Variants in AFF1 observed in about 807,000 individuals in gnomAD.
AFF1 encodes ALF transcription elongation factor 1.
AFF1 carries 48 observed loss-of-function variants against 121.7 expected under a neutral mutation model. The ratio of observed to expected loss-of-function variants is 0.39; its 90% CI spans 0.31 to 0.50. AFF1 has a LOEUF of 0.50. AFF1 is among the 20% of genes least tolerant of loss of function. The probability of loss-of-function intolerance (pLI) is 0.76; values close to 1 mark genes in which losing one functional copy is unlikely to be tolerated. For missense variants in AFF1, 1,523 were observed against 1,511.7 expected (o/e 1.01, Z -0.12); for synonymous variants, 613 against 563.0 (o/e 1.09, Z -1.26).
intron 14 of AFF1, 137 bp downstream of exon 14, chr4:87,126,473 T>C: frequency 9.1e-6 from 7 of 767,112 alleles, no homozygotes; most frequent in Non-Finnish European, 1.5e-5. Flanking sequence ...GTGTTTAAAA[T>C]GCTACTTTTT....
At chr4:86,998,128 C>T (rs988510746) in intron 2 of AFF1, among the ~76,000 whole-genome samples, 1 of 88,308 alleles carries the variant, frequency 1.1e-5, no homozygotes, top group Non-Finnish European at 2.3e-5. Flanking sequence ...AAAAAAAAAA[C>T]AAGAAAACTG....
intron 2 of AFF1, among the ~76,000 whole-genome samples, chr4:87,024,697 T>A (rs1728354796): frequency 6.6e-6 from 1 of 152,060 alleles, no homozygotes; most frequent in Non-Finnish European, 1.5e-5. Context: ...TTCAAGCAAT[T>A]CTCCTGCCTC....
chr4:87,011,264 A>G (rs1441167485), intron 2 of AFF1, among the ~76,000 whole-genome samples: 1 of 152,154 alleles, frequency 6.6e-6, no homozygotes, highest in Non-Finnish European at 1.5e-5. Context: ...GACAAACTGC[A>G]GTAGGAAAGT....
At chr4:86,971,068 G>A (rs567832103) in intron 2 of AFF1, among the ~76,000 whole-genome samples, 11 of 152,330 alleles carry the variant, frequency 7.2e-5, no homozygotes, top group South Asian at 4.1e-4. Flanking sequence ...GGGAAGCTTT[G>A]TGGGGTTTAC....
At chr4:87,024,895 C>A (rs979032655) in intron 2 of AFF1, among the ~76,000 whole-genome samples, 2 of 152,178 alleles carry the variant, frequency 1.3e-5, no homozygotes, top group African/African-American at 4.8e-5. Context: ...CGCCCAGCCC[C>A]GATCCTGATC....
At chr4:87,015,261 T>C (rs79618021) in intron 2 of AFF1, among the ~76,000 whole-genome samples, 6,793 of 152,270 alleles carry the variant, frequency 0.045, 495 homozygotes, top group African/African-American at 0.15. Flanking sequence ...CAGCCTCCTT[T>C]TAGAGTTAAG....
At chr4:86,980,372 A>T (rs948117097) in intron 2 of AFF1, among the ~76,000 whole-genome samples, 3 of 152,194 alleles carry the variant, frequency 2.0e-5, no homozygotes, top group African/African-American at 7.2e-5. Flanking sequence ...CATGCCTTGT[A>T]ATCCCAATTA....
At chr4:87,117,715 A>G (rs1447535581) in intron 12 of AFF1, among the ~76,000 whole-genome samples, 1 of 152,266 alleles carries the variant, frequency 6.6e-6, no homozygotes, top group Non-Finnish European at 1.5e-5. Flanking sequence ...GTAAATAAAT[A>G]TAAAAAACCA....
intron 12 of AFF1, among the ~76,000 whole-genome samples, chr4:87,119,876 G>A (rs1380927766): frequency 6.6e-6 from 1 of 152,204 alleles, no homozygotes; most frequent in African/African-American, 2.4e-5. Flanking sequence ...AAGTTATGAT[G>A]TGTAGTAGGA....
chr4:87,025,625 G>A (rs954035451), intron 2 of AFF1, among the ~76,000 whole-genome samples: 14 of 152,200 alleles, frequency 9.2e-5, no homozygotes, highest in African/African-American at 3.4e-4. Context: ...GGCAATGTCT[G>A]GAGACAGATA....
At chr4:86,944,976 A>G (rs960589548) in intron 1 of AFF1, among the ~76,000 whole-genome samples, 2 of 152,252 alleles carry the variant, frequency 1.3e-5, no homozygotes, top group Non-Finnish European at 2.9e-5. Flanking sequence ...TAAGCAAGAG[A>G]GGGAGGACTA....
chr4:87,115,395 G>T (rs1252742286), intron 12 of AFF1, 96 bp downstream of exon 12: 1 of 1,239,450 alleles, frequency 8.1e-7, no homozygotes, highest in Non-Finnish European at 1.1e-6. Flanking sequence ...GCCCAGTTGA[G>T]TTGTCTCACA....
intron 2 of AFF1, among the ~76,000 whole-genome samples, chr4:86,961,837 A>G (rs938395216): frequency 7.2e-5 from 11 of 151,908 alleles, no homozygotes; most frequent in African/African-American, 1.5e-4. Flanking sequence ...TAATAAATCA[A>G]CCTCTCAACG....
At chr4:86,973,124 C>G (rs997513478) in intron 2 of AFF1, among the ~76,000 whole-genome samples, 3 of 152,134 alleles carry the variant, frequency 2.0e-5, no homozygotes, top group African/African-American at 7.2e-5. Context: ...GTGTTGCAAT[C>G]AACTTGGAGT....
chr4:86,951,544 G>C (rs917446785), intron 2 of AFF1, among the ~76,000 whole-genome samples: 6 of 149,954 alleles, frequency 4.0e-5, no homozygotes, highest in African/African-American at 1.5e-4. Flanking sequence ...AATATATATT[G>C]TACATTTCAT....
chr4:86,965,212 T>A (rs1344675477), intron 2 of AFF1, among the ~76,000 whole-genome samples: 2 of 152,254 alleles, frequency 1.3e-5, no homozygotes, highest in African/African-American at 4.8e-5. Context: ...CTATATAAAG[T>A]CTTCAGAATT....
At chr4:87,068,081 C>CAAAAA (rs70953644) in intron 4 of AFF1, among the ~76,000 whole-genome samples, 122,084 of 151,972 alleles carry the variant, frequency 0.8, 49,290 homozygotes, top group African/African-American at 0.89. Context: ...GGATAAATAA[C>CAAAAA]GAAACTTAGG....
intron 1 of AFF1, among the ~76,000 whole-genome samples, chr4:86,947,534 G>T (rs1454865657): frequency 6.6e-6 from 1 of 152,184 alleles, no homozygotes; most frequent in Non-Finnish European, 1.5e-5. Flanking sequence ...TGTCCAGTCT[G>T]TACTAAGATA....
chr4:86,979,184 G>A (rs915645807), intron 2 of AFF1, among the ~76,000 whole-genome samples: 6 of 152,076 alleles, frequency 3.9e-5, no homozygotes, highest in African/African-American at 7.2e-5. Flanking sequence ...TGCAACCTCC[G>A]CCTCTTGAGT....
Sources: allele counts gnomAD v4.1 joint callset (sites outside exome capture counted in the v4.1 genomes callset), GRCh38; gene constraint gnomAD v4.1.1; transcripts MANE v1.5; gene names NCBI Gene and HGNC (gene_info 2026-07-23, HGNC 2026-07-21).